Variants in DGKH observed in about 807,000 individuals in gnomAD.
The protein encoded by DGKH is diacylglycerol kinase eta, also known as DAG kinase eta.
In DGKH, 90 loss-of-function variants were observed where a neutral mutation model predicts 159.3. That is an observed-to-expected ratio of 0.57 (90% CI 0.48 to 0.67). The LOEUF (loss-of-function observed/expected upper bound fraction) is 0.67, where lower values mean the gene tolerates loss of function less well. Ranked by LOEUF, DGKH falls within the 30% of genes least tolerant of loss-of-function variation. The probability of loss-of-function intolerance (pLI) is 0.00; values close to 1 mark genes in which losing one functional copy is unlikely to be tolerated. For synonymous variants in DGKH, 536 were observed against 553.8 expected, an observed-to-expected ratio of 0.97 and a Z score of 0.45; for missense variants, 1,181 against 1,506.1, an observed-to-expected ratio of 0.78 and a Z score of 3.57.
At chr13:42,205,051 T>C (rs1034306349) in intron 20 of DGKH, among the ~76,000 whole-genome samples, 1 of 152,194 alleles carries the variant, frequency 6.6e-6, no homozygotes, top group South Asian at 2.1e-4. Context: ...GAAGCTATGT[T>C]AATTATTTTT....
chr13:42,116,229 C>T (rs1057221385), intron 1 of DGKH, among the ~76,000 whole-genome samples: 1 of 152,158 alleles, frequency 6.6e-6, no homozygotes, highest in African/African-American at 2.4e-5. Context: ...GAAAGCCTAA[C>T]ACAGCTTTCC....
intron 13 of DGKH, among the ~76,000 whole-genome samples, chr13:42,179,395 T>G (rs1956689628): frequency 6.6e-6 from 1 of 152,258 alleles, no homozygotes; most frequent in Non-Finnish European, 1.5e-5. Flanking sequence ...TAATTTTTCT[T>G]GTAAAGGAGA....
At chr13:42,101,014 C>T (rs183786635) in intron 1 of DGKH, among the ~76,000 whole-genome samples, 3 of 152,302 alleles carry the variant, frequency 2.0e-5, no homozygotes, top group East Asian at 3.9e-4. Context: ...CCATAACTCT[C>T]CTCACTAGCT....
intron 10 of DGKH, 21 bp from the exon 11 acceptor site, chr13:42,168,658 C>T: frequency 3.1e-6 from 5 of 1,614,066 alleles, no homozygotes; most frequent in Non-Finnish European, 4.2e-6. Context: ...CTGAAAGTCA[C>T]CCTGTTGCAC....
intron 1 of DGKH, among the ~76,000 whole-genome samples, chr13:42,074,039 A>T (rs192763984): frequency 2.4e-4 from 36 of 152,366 alleles, no homozygotes; most frequent in African/African-American, 7.2e-4. Flanking sequence ...ACAACAGGAA[A>T]GATGAACTAG....
At chr13:42,217,387 G>A (rs576657102) in intron 26 of DGKH, among the ~76,000 whole-genome samples, 8 of 151,620 alleles carry the variant, frequency 5.3e-5, no homozygotes, top group African/African-American at 1.5e-4. Context: ...CTACAATCGC[G>A]CACCACCATG....
chr13:42,059,033 A>T (rs1881954224), intron 1 of DGKH, among the ~76,000 whole-genome samples: 1 of 152,184 alleles, frequency 6.6e-6, no homozygotes, highest in African/African-American at 2.4e-5. Flanking sequence ...TGAATTGAGG[A>T]TTTCTCCATT....
chr13:42,129,999 A>G (rs1358042282), intron 3 of DGKH, among the ~76,000 whole-genome samples: 2 of 152,014 alleles, frequency 1.3e-5, no homozygotes, highest in Admixed American at 6.6e-5. Flanking sequence ...CTTTCACTCC[A>G]TTTCACCCCA....
At chr13:42,083,626 G>A (rs572846483) in intron 1 of DGKH, among the ~76,000 whole-genome samples, 74 of 152,300 alleles carry the variant, frequency 4.9e-4, no homozygotes, top group Non-Finnish European at 9.4e-4. Context: ...TGGGCTTCGG[G>A]TTGGACTGGG....
intron 5 of DGKH, among the ~76,000 whole-genome samples, chr13:42,157,096 T>C (rs1956065363): frequency 6.6e-6 from 1 of 152,220 alleles, no homozygotes; most frequent in Non-Finnish European, 1.5e-5. Flanking sequence ...CATCATGGGC[T>C]TGATGCATTA....
chr13:42,248,152 T>A (rs536475791), intron 29 of DGKH, among the ~76,000 whole-genome samples: 32 of 152,286 alleles, frequency 2.1e-4, no homozygotes, highest in Admixed American at 2.0e-3. Flanking sequence ...TATACAGATG[T>A]ACCTTTAGCC....
intron 11 of DGKH, among the ~76,000 whole-genome samples, chr13:42,171,628 G>T (rs558672080): frequency 6.6e-6 from 1 of 152,176 alleles, no homozygotes; most frequent in East Asian, 1.9e-4. Flanking sequence ...GTTTCTACTC[G>T]TGGTTTTCCC....
At chr13:42,152,736 A>G (rs985502391) in intron 3 of DGKH, among the ~76,000 whole-genome samples, 7 of 151,854 alleles carry the variant, frequency 4.6e-5, no homozygotes, top group Non-Finnish European at 8.8e-5. Context: ...TAACAGTTAG[A>G]ACCATGATTC....
intron 1 of DGKH, among the ~76,000 whole-genome samples, chr13:42,053,366 A>ATATATATAAC (rs895351110): frequency 2.0e-5 from 3 of 147,884 alleles, no homozygotes; most frequent in Non-Finnish European, 4.5e-5. Context: ...ATATATAACT[A>ATATATATAAC]TATATATAAC....
chr13:42,069,230 C>A, intron 1 of DGKH: 1 of 1,152,872 alleles, frequency 8.7e-7, no homozygotes, highest in South Asian at 1.5e-5. Flanking sequence ...GTGTGTTTTC[C>A]TTCTTAACTT....
chr13:42,129,660 C>A (rs771383506), intron 3 of DGKH, 28 bp downstream of exon 3: 1 of 1,591,906 alleles, frequency 6.3e-7, no homozygotes, highest in East Asian at 2.2e-5. Flanking sequence ...TAACTCCCTT[C>A]TCAAAAGTTA....
At position 42,233,874 on chromosome 13, in the gene DGKH, T is replaced by C. The variant is rs553973654; in HGVS notation, c.*4686T>C. On this transcript the variant is annotated 3_prime_UTR_variant, in exon 30 of 30. Transcript: ENST00000337343. ...TTCATTTTCTCTTATCAGTAGATTG[T>C]CCTTGTTGACATAGCTCATGCATGA... 7 of 152,250 alleles carry C rather than the reference T, an allele frequency of 4.6e-5. No homozygotes were observed. The highest frequency in any genetic ancestry group is 8.8e-5 in the Non-Finnish European group (6 of 68,046). 9.4% of individuals were successfully genotyped at this position (152,250 alleles called of 1,614,324 possible). A position where few individuals can be genotyped will look rare whatever the true frequency, so the allele number is the denominator to read the frequency against.
downstream of DGKH, among the ~76,000 whole-genome samples, chr13:42,246,417 T>A (rs1331753310): frequency 6.6e-6 from 1 of 151,812 alleles, no homozygotes; most frequent in Non-Finnish European, 1.5e-5. Context: ...TGAGGCCTCA[T>A]CTCTATTAAA....
At position 42,048,830 on chromosome 13, in the gene DGKH, C is replaced by G; in HGVS notation, c.57C>G (p.Ala19=). The G allele has an allele frequency of 1.5e-6, 2 of 1,340,894 alleles. No individual in the cohort carries two copies. The highest frequency in any genetic ancestry group is 9.6e-7 in the Non-Finnish European group (1 of 1,043,534). The allele number at this position is 1,340,894 out of a possible 1,614,324, so 83.1% of individuals were successfully genotyped here. ...CGGGCGCCGCTGGAGGAGCGGCCGC[C>G]GGAGCCGGCGCCGCGGTCACCTCCG... is the stretch of plus-strand genomic sequence containing the variant. ...HPPGAAGGAA[A]GAGAAVTSAA... is the part of the protein sequence containing the mutation. Residue 19 remains alanine (A), a synonymous_variant, in exon 1 of 30, where the codon GCC becomes GCG. Coordinates refer to ENST00000337343, the MANE Select transcript of DGKH (RefSeq NM_178009.5). This position sits in a 1 kb window ranked among gnomAD's most constrained non-coding sequence, Gnocchi z 6.7.
Sources: allele counts gnomAD v4.1 joint callset (sites outside exome capture counted in the v4.1 genomes callset), GRCh38; gene constraint gnomAD v4.1.1; non-coding constraint Gnocchi (gnomAD v3.1); transcripts MANE v1.5; gene names NCBI Gene and HGNC (gene_info 2026-07-23, HGNC 2026-07-21).